SGCD: variants seen among roughly 807,000 people sequenced by gnomAD.
SGCD encodes the protein sarcoglycan delta.
In SGCD, 18 loss-of-function variants were observed where a neutral mutation model predicts 36.6. The ratio of observed to expected loss-of-function variants is 0.49; its 90% confidence interval spans 0.34 to 0.73. SGCD has a LOEUF of 0.73. Ranked by LOEUF, SGCD falls within the 30% of genes least tolerant of loss-of-function variation. SGCD has a pLI of 0.01. For missense variants in SGCD, 387 were observed against 346.7 expected (o/e 1.12, Z -0.92); for synonymous variants, 133 against 130.6 (o/e 1.02, Z -0.12).
At chr5:156,455,399 G>C (rs1754210807) in intron 3 of SGCD, among the ~76,000 whole-genome samples, 1 of 151,878 alleles carries the variant, frequency 6.6e-6, no homozygotes, top group Admixed American at 6.6e-5. Context: ...TCTTCCCCAG[G>C]TACCTTTGCT....
intron 4 of SGCD, among the ~76,000 whole-genome samples, chr5:156,546,225 G>C (rs1424761040): frequency 6.6e-6 from 1 of 152,140 alleles, no homozygotes; most frequent in African/African-American, 2.4e-5. Context: ...GACACTTTTG[G>C]AAAATTCAGG....
intron 1 of SGCD, among the ~76,000 whole-genome samples, chr5:155,977,951 GGAC>G (rs1407463876): frequency 5.9e-5 from 9 of 152,046 alleles, no homozygotes; most frequent in Admixed American, 3.9e-4. Context: ...AAAACTAGCT[GGAC>G]GTGGTGGTGC....
At chr5:156,330,020 A>AAG (rs1295412572) in intron 2 of SGCD, among the ~76,000 whole-genome samples, 1 of 149,514 alleles carries the variant, frequency 6.7e-6, no homozygotes. Flanking sequence ...CAGTCTCAAA[A>AAG]AAAAAAAAAA....
chr5:156,313,979 C>T (rs1045161195), intron 3 of SGCD, among the ~76,000 whole-genome samples: 25 of 151,452 alleles, frequency 1.7e-4, no homozygotes, highest in South Asian at 1.0e-3. Flanking sequence ...CCTTTTTATA[C>T]GTCCTGAAAA....
chr5:156,393,865 G>A (rs1245909911), intron 3 of SGCD: 5 of 455,826 alleles, frequency 1.1e-5, no homozygotes, highest in Non-Finnish European at 2.2e-5. Context: ...CTTTGCTGCT[G>A]GTGAGTTTTG....
chr5:156,207,215 T>G (rs1005206760), intron 3 of SGCD, among the ~76,000 whole-genome samples: 6 of 152,120 alleles, frequency 3.9e-5, no homozygotes, highest in African/African-American at 1.2e-4. Flanking sequence ...CATGTACACT[T>G]TGATGTCTTC....
At chr5:156,390,999 G>A (rs1000556534) in intron 3 of SGCD, among the ~76,000 whole-genome samples, 6 of 152,158 alleles carry the variant, frequency 3.9e-5, no homozygotes, top group Non-Finnish European at 8.8e-5. Context: ...GTCTACAGTA[G>A]TGTTCAGCAA....
rs186229932 is a variant in SGCD at position 156,197,883 on chromosome 5, G to C, written c.-44+73864G>C. 2.2e-3 allele frequency among the ~76,000 whole-genome samples: 342 copies of C among 152,192 alleles called. 1 individual carries two copies. Among genetic ancestry groups the C allele is most frequent in the African/African-American group, 7.6e-3 (315 of 41,548 alleles). ...TTTGATATTTATGTACATATGGAAT[G>C]ATTAAACTATGCTTATTAACATACG... On this transcript the variant is annotated intron_variant, in intron 3 of 9. Coordinates refer to the SGCD transcript ENST00000517913.
intron 3 of SGCD, among the ~76,000 whole-genome samples, chr5:156,248,491 C>G (rs1765493005): frequency 1.3e-5 from 2 of 152,032 alleles, no homozygotes; most frequent in South Asian, 4.1e-4. Flanking sequence ...TGCACTCCAG[C>G]CTGGAGACAG....
At chr5:155,918,525 T>G (rs1416215177) in intron 1 of SGCD, among the ~76,000 whole-genome samples, 2 of 152,196 alleles carry the variant, frequency 1.3e-5, no homozygotes. Context: ...ATCGCGCCAT[T>G]GCACTGTAGC....
rs542754106 is a variant in SGCD, at chr5:156,070,225, G to A, written c.-281-47653G>A. ...TCTTGTGCCAGTTTTCAAAGGGAAC[G>A]CTTCCAGTTTTTGCCCATTCAGTAT... is the stretch of plus-strand genomic sequence containing the variant. On this transcript the variant is annotated intron_variant, in intron 1 of 9. Transcript: ENST00000517913. Among the ~76,000 whole-genome samples the A allele has an allele frequency of 2.6e-4, 40 of 151,894 alleles. No individual in the cohort carries two copies. In the East Asian group the frequency reaches 5.6e-3, roughly 21 times the overall value.
intron 7 of SGCD, among the ~76,000 whole-genome samples, chr5:156,686,244 C>T (rs1753900561): frequency 6.6e-6 from 1 of 152,100 alleles, no homozygotes; most frequent in African/African-American, 2.4e-5. Context: ...GGTCATATTG[C>T]ATGTAAATGG....
chr5:155,771,485 G>A, the SGCD span, among the ~76,000 whole-genome samples: 6 of 151,146 alleles, frequency 4.0e-5, no homozygotes, highest in Non-Finnish European at 7.4e-5. Context: ...GGGCAGTGGC[G>A]TGATATCAGC....
chr5:156,690,527 A>G (rs891135077), intron 7 of SGCD, among the ~76,000 whole-genome samples: 2 of 151,970 alleles, frequency 1.3e-5, no homozygotes, highest in African/African-American at 2.4e-5. Flanking sequence ...ACTTACAGAA[A>G]CTCTGCCCAG....
the SGCD span, among the ~76,000 whole-genome samples, chr5:155,855,598 G>A: frequency 5.3e-5 from 8 of 152,226 alleles, no homozygotes; most frequent in South Asian, 1.5e-3. Flanking sequence ...CACATTGATC[G>A]GCTAAAAACT....
At chr5:156,503,920 C>T (rs1172090346) in intron 3 of SGCD, among the ~76,000 whole-genome samples, 1 of 151,716 alleles carries the variant, frequency 6.6e-6, no homozygotes, top group Non-Finnish European at 1.5e-5. Context: ...TTAGAATGTA[C>T]AGCCCAGTCA....
intron 1 of SGCD, among the ~76,000 whole-genome samples, chr5:155,991,799 G>A (rs887042757): frequency 2.6e-5 from 4 of 152,050 alleles, no homozygotes; most frequent in South Asian, 2.1e-4. Flanking sequence ...TCAATAACCC[G>A]TAACTATTAT....
At chr5:156,580,262 A>G (rs972749466) in intron 4 of SGCD, among the ~76,000 whole-genome samples, 9 of 152,372 alleles carry the variant, frequency 5.9e-5, no homozygotes, top group Admixed American at 2.0e-4. Context: ...ACTGGCTTGC[A>G]GATCTTCTGC....
intron 7 of SGCD, among the ~76,000 whole-genome samples, chr5:156,729,818 G>C (rs1245581090): frequency 1.3e-5 from 2 of 152,152 alleles, no homozygotes; most frequent in Non-Finnish European, 2.9e-5. Context: ...AGTGAAAACA[G>C]AACAATTCTT....
Sources: allele counts gnomAD v4.1 joint callset (sites outside exome capture counted in the v4.1 genomes callset), GRCh38; gene constraint gnomAD v4.1.1; transcripts MANE v1.5; gene names NCBI Gene and HGNC (gene_info 2026-07-23, HGNC 2026-07-21).